ZBTB11: variants seen among roughly 807,000 people sequenced by gnomAD.
The protein encoded by ZBTB11 is zinc finger and BTB domain containing 11.
In ZBTB11, 68 loss-of-function variants were observed where a neutral mutation model predicts 113.1. The observed-to-expected ratio is 0.60, with a 90% CI of 0.49 to 0.74. The LOEUF is 0.74. ZBTB11 is among the 30% of genes least tolerant of loss of function. The pLI is 0.00. For synonymous variants in ZBTB11, 518 were observed against 452.6 expected (o/e 1.14, Z -1.83); for missense variants, 1,104 against 1,279.4 (o/e 0.86, Z 2.09).
In ZBTB11 at chr3:101,676,969, C is replaced by A. The variant is rs746370062; in HGVS notation, c.-55G>T. 4 of 1,491,540 alleles carry A rather than the reference C, an allele frequency of 2.7e-6. No individual in the cohort carries two copies. The highest frequency in any genetic ancestry group is 3.6e-6 in the Non-Finnish European group (4 of 1,120,478). The allele number at this position is 1,491,540 out of a possible 1,614,324, so 92.4% of individuals were successfully genotyped here. On this transcript the variant is annotated 5_prime_UTR_variant, in exon 1 of 11. Transcript: ENST00000312938. ...TCAGGGACAGGTGAGGAAAACGGCC[C>A]GCTACCTACGGGCGGCTGCAGGAGG...
intron 1 of ZBTB11, 60 bp downstream of exon 1, chr3:101,676,545 G>A (rs559941041): frequency 1.2e-5 from 17 of 1,423,224 alleles, no homozygotes; most frequent in African/African-American, 1.0e-4. Context: ...GGCCTCGCCA[G>A]CGAGCCTTGC....
intron 5 of ZBTB11, among the ~76,000 whole-genome samples, chr3:101,662,892 T>C (rs1482535781): frequency 6.6e-6 from 1 of 151,908 alleles, no homozygotes; most frequent in Non-Finnish European, 1.5e-5. Context: ...CCCCAACAAA[T>C]AGCTGGGACT....
In ZBTB11 at chr3:101,676,906, G is replaced by A. The variant is rs565908108; in HGVS notation, c.9C>T (p.Ser3=). MS[S]EESYRAILRY... is the part of the protein sequence containing the mutation. ...GCAGGATGGCCCGGTAGCTTTCCTC[G>A]CTTGACATCGCGGACCGCGGCTCCC... The change falls in exon 1 of 11, where the codon AGC becomes AGT. Residue 3 remains serine, a synonymous_variant. Coordinates refer to ENST00000312938, the MANE Select transcript of ZBTB11 (RefSeq NM_014415.4). The A allele has an allele frequency of 3.2e-6, 5 of 1,567,872 alleles. No individual in the cohort carries two copies. In the African/African-American group the frequency reaches 4.1e-5, roughly 13 times the overall value.
At chr3:101,654,468 C>T (rs1936760018) in intron 8 of ZBTB11, among the ~76,000 whole-genome samples, 1 of 152,094 alleles carries the variant, frequency 6.6e-6, no homozygotes, top group East Asian at 1.9e-4. Context: ...TTCCCACAGT[C>T]CCCACTTCCA....
rs1936797293 is a variant in ZBTB11, at chr3:101,656,289, G to A, written c.2047-41C>T. ...GGTGATTAAGTCAATAAAACAAAAA[G>A]GGAGATTGTTTCTGAACAATGAAGA... On this transcript the variant is annotated intron_variant, in intron 6 of 10. Transcript: ENST00000312938. 4 of 1,305,676 alleles carry A rather than the reference G, an allele frequency of 3.1e-6. No homozygotes were observed. The East Asian group carries it at 1.1e-4, about 37-fold the overall frequency. The allele number at this position is 1,305,676 out of a possible 1,614,324, so 80.9% of individuals were successfully genotyped here.
chr3:101,666,923 G>A (rs13077703), intron 3 of ZBTB11, among the ~76,000 whole-genome samples: 44,498 of 151,908 alleles, frequency 0.29, 6,936 homozygotes, highest in Non-Finnish European at 0.34. Flanking sequence ...GCTAATTTTT[G>A]TATTTTTAGT....
At chr3:101,676,197 C>T (rs7613194) in intron 1 of ZBTB11, among the ~76,000 whole-genome samples, 138,628 of 152,278 alleles carry the variant, frequency 0.91, 63,222 homozygotes, top group East Asian at 1. Context: ...GACTCGTCCC[C>T]CCTTCCAAAC....
rs1937016576 is a variant in ZBTB11, at chr3:101,667,541, C to CAA, written c.779-1735_779-1734dup. The stretch of plus-strand genomic sequence containing the variant: ...TGCAAAAGAACCCACGAAGGATGAA[C>CAA]AAACATACAGAGAAGCCTTAAACTT... On this transcript the variant is annotated intron_variant, in intron 3 of 10. Coordinates refer to ENST00000312938, the MANE Select transcript of ZBTB11 (RefSeq NM_014415.4). Among the ~76,000 whole-genome samples, 3 of 152,222 alleles carry CAA rather than the reference C, an allele frequency of 2.0e-5. No individual in the cohort carries two copies. The South Asian group carries it at 6.2e-4, about 32-fold the overall frequency.
chr3:101,662,911 G>A (rs1022646229), intron 5 of ZBTB11, among the ~76,000 whole-genome samples: 1 of 151,088 alleles, frequency 6.6e-6, no homozygotes, highest in South Asian at 2.1e-4. Context: ...CTACAGGTGT[G>A]TGCCACCATG....
intron 6 of ZBTB11, 74 bp downstream of exon 6, chr3:101,659,708 TC>T: frequency 1.3e-6 from 2 of 1,543,062 alleles, no homozygotes; most frequent in South Asian, 2.4e-5. Flanking sequence ...AGAATACATA[TC>T]CCACCAGTCT....
In ZBTB11 at chr3:101,671,338, T is replaced by A; in HGVS notation, c.570A>T (p.Lys190Asn). 1 of 1,614,160 alleles carries A rather than the reference T, an allele frequency of 6.2e-7. No individual in the cohort carries two copies. Among genetic ancestry groups the A allele is most frequent in the South Asian group, 1.1e-5 (1 of 91,082 alleles). ...CCTGACAATGTTTTGGAGAAGAACG[T>A]TTTACCACTCCTTTGGTGTCAACCT... ...LVFVDTKGVV[K>N]RSSPKHCQAV... Residue 190 changes from lysine to asparagine, a missense_variant, in exon 3 of 11, where the codon AAA becomes AAT. Lys to Asn is a moderately conservative substitution (Grantham distance 94). Coordinates refer to ENST00000312938, the MANE Select transcript of ZBTB11 (RefSeq NM_014415.4).
chr3:101,676,248 C>T (rs1416584875), intron 1 of ZBTB11, among the ~76,000 whole-genome samples: 1 of 151,774 alleles, frequency 6.6e-6, no homozygotes, highest in Non-Finnish European at 1.5e-5. Flanking sequence ...GCCTCCACTG[C>T]CGCGAGCCAC....
intron 8 of ZBTB11, among the ~76,000 whole-genome samples, chr3:101,653,420 T>C (rs917405713): frequency 4.6e-5 from 7 of 152,154 alleles, no homozygotes; most frequent in Non-Finnish European, 1.0e-4. Flanking sequence ...GAAAAGAAGT[T>C]TGACAATTTG....
intron 7 of ZBTB11, 73 bp downstream of exon 7, chr3:101,656,031 T>C: frequency 8.8e-7 from 1 of 1,141,634 alleles, no homozygotes; most frequent in Non-Finnish European, 1.2e-6. Flanking sequence ...ATCAATATAA[T>C]TTCTGGTATA....
chr3:101,656,185 G>T lies in ZBTB11; in HGVS notation c.2110C>A (p.Gln704Lys). 1.2e-6 allele frequency: 2 copies of T among 1,602,138 alleles called. No homozygotes were observed. The highest frequency in any genetic ancestry group is 1.7e-6 in the Non-Finnish European group (2 of 1,174,818). Residue 704 changes from glutamine to lysine, a missense_variant, in exon 7 of 11, where the codon CAG becomes AAG. Physicochemically the swap from Gln to Lys is moderately conservative, Grantham distance 53. Coordinates refer to ENST00000312938, the MANE Select transcript of ZBTB11 (RefSeq NM_014415.4). The part of the protein sequence containing the change: ...LKLHQSLHQS[Q>K]KQFQCELCVK... The stretch of plus-strand genomic sequence containing the variant: ...CACAGTTCACACTGGAACTGCTTCT[G>T]TGATTGATGAAGACTCTGATGTAAT...
At position 101,664,635 on chromosome 3, in the gene ZBTB11, G is replaced by A. The variant is rs1936949309; in HGVS notation, c.1703C>T (p.Ser568Phe). 1.2e-6 allele frequency: 2 copies of A among 1,613,704 alleles called. No homozygotes were observed. Among genetic ancestry groups the A allele is most frequent in the Non-Finnish European group, 1.7e-6 (2 of 1,179,950 alleles). Reference protein sequence around the residue: ...RDAKENTEEASHKCGECGMVF... With the variant: ...RDAKENTEEAFHKCGECGMVF... ...CATTCCACATTCCCCACATTTATGA[G>A]ATGCTTCTTCTGTGTTCTCTTTAGC... Residue 568 changes from serine (S) to phenylalanine (F), a missense_variant, in exon 5 of 11, where the codon TCT becomes TTT. By Grantham distance (155) the Ser-to-Phe change is radical. Transcript: ENST00000312938.
Position 101,649,277 on chromosome 3 carries a change from A to G in ZBTB11, c.*1889T>C, listed in dbSNP as rs1936655803. ...CCCATTATTTCCTTGCCTCTTGTCC[A>G]TATCAATTATATGTAAGAGTAAGAA... is the stretch of plus-strand genomic sequence containing the variant. On this transcript the variant is annotated 3_prime_UTR_variant, in exon 11 of 11. Transcript: ENST00000312938. 1 of 152,202 alleles carries G rather than the reference A, an allele frequency of 6.6e-6. No individual in the cohort carries two copies. The highest frequency in any genetic ancestry group is 2.1e-4 in the South Asian group (1 of 4,828). 9.4% of individuals were successfully genotyped at this position (152,202 alleles called of 1,614,324 possible).
Position 101,651,318 on chromosome 3 carries a change from CTT to C in ZBTB11, c.3008_3009del (p.Glu1003GlyfsTer10), listed in dbSNP as rs755795557. ...MEALEAVAAT[E>X]EYPSVSTLSD... ...GAAAGTGTAGATACCGATGGATACTCTTCAGTAGCTGCAACAGCTTCCAGAGC... is the reference window on the plus strand; with the variant it reads ...GAAAGTGTAGATACCGATGGATACTCCAGTAGCTGCAACAGCTTCCAGAGC... On this transcript the variant is annotated frameshift_variant, in exon 11 of 11. Coordinates refer to ENST00000312938, the MANE Select transcript of ZBTB11 (RefSeq NM_014415.4). LOFTEE classifies it high-confidence loss of function. The C allele has an allele frequency of 1.2e-6, 2 of 1,613,962 alleles. No individual in the cohort carries two copies. Among genetic ancestry groups the C allele is most frequent in the South Asian group, 2.2e-5 (2 of 91,052 alleles).
At position 101,665,069 on chromosome 3, in the gene ZBTB11, C is replaced by T. The variant is rs1248719176; in HGVS notation, c.1518G>A (p.Arg506=). 2 of 1,614,000 alleles carry T rather than the reference C, an allele frequency of 1.2e-6. No individual in the cohort carries two copies. Among genetic ancestry groups the T allele is most frequent in the South Asian group, 1.1e-5 (1 of 91,080 alleles). ...CTTCATTAACAGAACGTTGTCGAAG[C>T]CTGCTTCTATAAGTATCATCATCAG... ...FGPDDDTYRS[R]LRQRSVNEGA... Residue 506 remains arginine (R), a synonymous_variant, in exon 4 of 11, where the codon AGG becomes AGA. Transcript: ENST00000312938.
Sources: allele counts gnomAD v4.1 joint callset (sites outside exome capture counted in the v4.1 genomes callset), GRCh38; gene constraint gnomAD v4.1.1; transcripts MANE v1.5; gene names NCBI Gene and HGNC (gene_info 2026-07-23, HGNC 2026-07-21).